The following NBAS variants were observed in gnomAD, a reference collection of about 807,000 sequenced individuals.
NBAS encodes NBAS subunit of NRZ tethering complex.
In NBAS, 219 loss-of-function variants were observed where a neutral mutation model predicts 302.5. That is an observed-to-expected ratio of 0.72 (90% CI 0.65 to 0.81). The LOEUF is 0.81. Ranked by LOEUF, NBAS falls within the 30% of genes least tolerant of loss-of-function variation. The pLI is 0.00. For synonymous variants in NBAS, 1,118 were observed against 1,021.6 expected (o/e 1.09, Z -1.80); for missense variants, 2,932 against 2,841.6 (o/e 1.03, Z -0.72).
chr2:14,963,416 G>A, the NBAS span, among the ~76,000 whole-genome samples: 1 of 152,198 alleles, frequency 6.6e-6, no homozygotes, highest in African/African-American at 2.4e-5. Context: ...TGCACATGAA[G>A]CCTATATTTA....
At chr2:14,836,687 A>C in the NBAS span, among the ~76,000 whole-genome samples, 1 of 151,886 alleles carries the variant, frequency 6.6e-6, no homozygotes, top group African/African-American at 2.4e-5. Flanking sequence ...GCCCTCTATT[A>C]TTCCATATAA....
At chr2:14,786,877 T>A in the NBAS span, among the ~76,000 whole-genome samples, 3 of 152,140 alleles carry the variant, frequency 2.0e-5, no homozygotes, top group African/African-American at 7.2e-5. Flanking sequence ...TGGGTATCCT[T>A]GTTAACTTTC....
At chr2:15,068,151 A>G in the NBAS span, among the ~76,000 whole-genome samples, 89,581 of 152,086 alleles carry the variant, frequency 0.59, 26,983 homozygotes, top group Admixed American at 0.69. Flanking sequence ...TTTGCCACTT[A>G]CTGGCTGTAT....
At chr2:15,231,258 G>C (rs1013245385) in intron 47 of NBAS, among the ~76,000 whole-genome samples, 10 of 152,156 alleles carry the variant, frequency 6.6e-5, no homozygotes, top group African/African-American at 2.4e-4. Flanking sequence ...ATAAGCAAAG[G>C]GGTTTAGAAA....
intron 35 of NBAS, among the ~76,000 whole-genome samples, chr2:15,344,101 T>TAAGA (rs1672979534): frequency 6.6e-6 from 1 of 150,642 alleles, no homozygotes; most frequent in African/African-American, 2.4e-5. Context: ...TAAGAAAGTA[T>TAAGA]AAGAATAGCC....
At chr2:15,435,319 G>C (rs1677958303) in intron 21 of NBAS, among the ~76,000 whole-genome samples, 3 of 152,144 alleles carry the variant, frequency 2.0e-5, no homozygotes, top group Non-Finnish European at 2.9e-5. Flanking sequence ...CCACCCTTAA[G>C]AATCCCCGTA....
chr2:14,998,677 C>T, the NBAS span, among the ~76,000 whole-genome samples: 1 of 152,170 alleles, frequency 6.6e-6, no homozygotes, highest in Admixed American at 6.5e-5. Flanking sequence ...AGATAAGCTG[C>T]TTTTTCTCCC....
chr2:15,511,085 A>T, intron 10 of NBAS, 127 bp downstream of exon 10: 1 of 1,148,726 alleles, frequency 8.7e-7, no homozygotes, highest in Non-Finnish European at 1.3e-6. Flanking sequence ...TACCAGCATT[A>T]ATTCACTGTC....
At chr2:15,498,007 A>G (rs1192397966) in intron 11 of NBAS, among the ~76,000 whole-genome samples, 1 of 152,228 alleles carries the variant, frequency 6.6e-6, no homozygotes, top group Admixed American at 6.5e-5. Context: ...AAATTTTACA[A>G]CTTTTTCCCC....
chr2:14,926,020 T>A, the NBAS span, among the ~76,000 whole-genome samples: 1 of 152,214 alleles, frequency 6.6e-6, no homozygotes, highest in African/African-American at 2.4e-5. Flanking sequence ...CTTCTCCTGA[T>A]CACACCTCTG....
chr2:14,989,435 A>G, the NBAS span, among the ~76,000 whole-genome samples: 1 of 151,972 alleles, frequency 6.6e-6, no homozygotes, highest in African/African-American at 2.4e-5. Flanking sequence ...GCGCATGCCT[A>G]TAGTACCAGC....
the NBAS span, among the ~76,000 whole-genome samples, chr2:15,107,944 G>A: frequency 6.6e-6 from 1 of 152,036 alleles, no homozygotes; most frequent in African/African-American, 2.4e-5. Context: ...ATAGTATCTG[G>A]TCTTTTGTGT....
intron 40 of NBAS, among the ~76,000 whole-genome samples, chr2:15,295,418 G>A (rs1328763587): frequency 6.6e-6 from 1 of 152,152 alleles, no homozygotes; most frequent in Non-Finnish European, 1.5e-5. Flanking sequence ...GACACACAGA[G>A]CTTACTAGCT....
At chr2:15,537,563 A>C (rs910173379) in intron 7 of NBAS, among the ~76,000 whole-genome samples, 1 of 152,162 alleles carries the variant, frequency 6.6e-6, no homozygotes, top group Non-Finnish European at 1.5e-5. Flanking sequence ...GGACCACTTG[A>C]AGTCAGGAGT....
chr2:15,412,726 C>T (rs1394619059), intron 25 of NBAS, among the ~76,000 whole-genome samples: 1 of 152,066 alleles, frequency 6.6e-6, no homozygotes, highest in African/African-American at 2.4e-5. Context: ...TTAAGAATCA[C>T]AATAGAAGTC....
In NBAS at chr2:15,561,308, C is replaced by G. The variant is rs773799376; in HGVS notation, c.-4G>C. The G allele has an allele frequency of 6.2e-7, 1 of 1,612,098 alleles. No individual in the cohort carries two copies. Among genetic ancestry groups the G allele is most frequent in the Non-Finnish European group, 8.5e-7 (1 of 1,179,722 alleles). On this transcript the variant is annotated 5_prime_UTR_variant, in exon 1 of 52. Coordinates refer to ENST00000281513, the MANE Select transcript of NBAS (RefSeq NM_015909.4). ...GCCCTGACTCGGGGGCCGCCATGTT[C>G]GCCGAGGACTCAGGCAGCGGAGGAG...
At chr2:15,139,809 G>A in the NBAS span, among the ~76,000 whole-genome samples, 2 of 152,274 alleles carry the variant, frequency 1.3e-5, no homozygotes, top group Admixed American at 6.5e-5. Context: ...TCCTAAAGCA[G>A]TCTCCTGAAA....
At chr2:14,805,311 G>A in the NBAS span, among the ~76,000 whole-genome samples, 1 of 152,110 alleles carries the variant, frequency 6.6e-6, no homozygotes, top group Non-Finnish European at 1.5e-5. Context: ...ATGGCAATTG[G>A]GAAAGCAGCA....
intron 46 of NBAS, among the ~76,000 whole-genome samples, chr2:15,232,802 T>G (rs1667436924): frequency 6.6e-6 from 1 of 152,162 alleles, no homozygotes; most frequent in Non-Finnish European, 1.5e-5. Context: ...GAACATTAAC[T>G]GTATTGAGCT....
Sources: allele counts gnomAD v4.1 joint callset (sites outside exome capture counted in the v4.1 genomes callset), GRCh38; gene constraint gnomAD v4.1.1; transcripts MANE v1.5; gene names NCBI Gene and HGNC (gene_info 2026-07-23, HGNC 2026-07-21).